The following ZNF787 variants were observed in gnomAD, a reference collection of about 807,000 sequenced individuals.
The protein encoded by ZNF787 is zinc finger protein 787, also known as TTF-I-interacting peptide 20.
A neutral mutation model predicts 16.9 loss-of-function variants in ZNF787; 7 were observed. The ratio of observed to expected loss-of-function variants is 0.42; its 90% CI spans 0.24 to 0.78. The LOEUF (loss-of-function observed/expected upper bound fraction) is 0.78, where lower values mean the gene tolerates loss of function less well. ZNF787 is among the 30% of genes least tolerant of loss of function. ZNF787 has a pLI of 0.30. For missense variants in ZNF787, 551 were observed against 589.3 expected (o/e 0.94, Z 0.67); for synonymous variants, 345 against 270.9 (o/e 1.27, Z -2.69).
Position 56,087,994 on chromosome 19 carries a change from C to CG in ZNF787, c.*28_*29insC. Reference sequence around the variant, plus strand: ...TCGCTCCCGCCAAGCCCGAGGGGCCCTGCCCGCCCCCCCCCCCGGGCCCCT... The same window carrying CG: ...TCGCTCCCGCCAAGCCCGAGGGGCCCGTGCCCGCCCCCCCCCCCGGGCCCCT... On this transcript the variant is annotated 3_prime_UTR_variant, in exon 3 of 3. Coordinates refer to ENST00000610935, the MANE Select transcript of ZNF787 (RefSeq NM_001002836.4). 28 of 1,248,806 alleles carry CG rather than the reference C, an allele frequency of 2.2e-5. No individual in the cohort carries two copies. The highest frequency in any genetic ancestry group is 7.4e-5 in the African/African-American group (4 of 54,188). The allele number at this position is 1,248,806 out of a possible 1,614,324, so 77.4% of individuals were successfully genotyped here.
intron 1 of ZNF787, among the ~76,000 whole-genome samples, chr19:56,115,712 C>T (rs1179976703): frequency 1.3e-5 from 2 of 152,096 alleles, no homozygotes; most frequent in Non-Finnish European, 2.9e-5. Flanking sequence ...ATCAGCACAG[C>T]GACGGCAGAG....
chr19:56,106,904 C>T lies in ZNF787; in HGVS notation c.-10-3677G>A, dbSNP rs146184619. Among the ~76,000 whole-genome samples, 332 of 152,310 alleles carry T rather than the reference C, an allele frequency of 2.2e-3. 1 individual carries two copies. Among genetic ancestry groups the T allele is most frequent in the Non-Finnish European group, 4.2e-3 (289 of 68,036 alleles). On this transcript the variant is annotated intron_variant, in intron 1 of 2. Coordinates refer to ENST00000610935, the MANE Select transcript of ZNF787 (RefSeq NM_001002836.4). ...CACAACCCCTCTGAACCGATTTTCC[C>T]GAGTCCCTCCAGTGACAAGAAGCTC...
Position 56,088,914 on chromosome 19 carries a change from G to T in ZNF787, c.258C>A (p.Arg86=), listed in dbSNP as rs1207864055. ...SHWSKLTRHQ[R]THTGERPNAC... is the part of the protein sequence containing the mutation. ...CGTTGGGCCGCTCGCCGGTGTGCGT[G>T]CGCTGGTGCCGCGTCAGCTTGGACC... Residue 86 remains arginine, a synonymous_variant, in exon 3 of 3, where the codon CGC becomes CGA. Coordinates refer to ENST00000610935, the MANE Select transcript of ZNF787 (RefSeq NM_001002836.4). The surrounding 1 kb of genome is among the most constrained non-coding windows in gnomAD (Gnocchi z 8.6). The T allele has an allele frequency of 1.3e-6, 2 of 1,596,732 alleles. No homozygotes were observed. The highest frequency in any genetic ancestry group is 3.4e-5 in the Admixed American group (2 of 58,490).
At chr19:56,095,015 G>C (rs1985817453) in intron 2 of ZNF787, among the ~76,000 whole-genome samples, 1 of 152,210 alleles carries the variant, frequency 6.6e-6, no homozygotes, top group Non-Finnish European at 1.5e-5. Flanking sequence ...TCGGGAGGTT[G>C]AGGCAGGAGA....
intron 2 of ZNF787, among the ~76,000 whole-genome samples, chr19:56,095,515 C>T (rs966170153): frequency 6.6e-6 from 1 of 152,206 alleles, no homozygotes; most frequent in African/African-American, 2.4e-5. Flanking sequence ...GTTCTAACTT[C>T]TCAGAGGTTC....
chr19:56,120,777 G>C (rs531682864), intron 1 of ZNF787, among the ~76,000 whole-genome samples: 46 of 151,066 alleles, frequency 3.0e-4, no homozygotes, highest in African/African-American at 9.7e-4. Flanking sequence ...GACCGGCGGA[G>C]TTGGAACTTC....
chr19:56,118,640 T>A (rs1370629286), intron 1 of ZNF787, among the ~76,000 whole-genome samples: 1 of 152,060 alleles, frequency 6.6e-6, no homozygotes, highest in Non-Finnish European at 1.5e-5. Context: ...TGGGCCAGGT[T>A]CCTGCAAAGT....
rs491122 is a variant in ZNF787, at chr19:56,088,987, G to A, written c.185C>T (p.Pro62Leu). ...CTCGTTGCAGATGTAGGGGGCGGGC[G>A]GCCGCGGCCGGGGAGGCGGGCCGGC... is the stretch of plus-strand genomic sequence containing the variant. ...PPAGPPPRPRPPAPYICNECG... is the reference protein window; with the variant it reads ...PPAGPPPRPRLPAPYICNECG... Residue 62 changes from proline to leucine, a missense_variant, in exon 3 of 3, where the codon CCG (proline) becomes CTG (leucine). By Grantham distance (98) the Pro-to-Leu change is moderately conservative. Coordinates refer to ENST00000610935, the MANE Select transcript of ZNF787 (RefSeq NM_001002836.4). This position sits in a 1 kb window ranked among gnomAD's most constrained non-coding sequence, Gnocchi z 8.6. 12 of 1,499,936 alleles carry A rather than the reference G, an allele frequency of 8.0e-6. No individual in the cohort carries two copies. The highest frequency in any genetic ancestry group is 9.8e-6 in the Non-Finnish European group (11 of 1,126,474). 92.9% of individuals were successfully genotyped at this position (1,499,936 alleles called of 1,614,324 possible).
chr19:56,103,439 G>T, intron 1 of ZNF787: 1 of 444,168 alleles, frequency 2.3e-6, no homozygotes, highest in Non-Finnish European at 3.9e-6. Flanking sequence ...TCACACAGCC[G>T]CAGGAAGGAC....
intron 2 of ZNF787, chr19:56,101,603 AT>A (rs1305326730): frequency 1.3e-5 from 2 of 152,192 alleles, no homozygotes; most frequent in African/African-American, 2.4e-5. Flanking sequence ...GAAAAATGAC[AT>A]TTTGTTAGAT....
At chr19:56,115,991 G>A (rs1482382704) in intron 1 of ZNF787, among the ~76,000 whole-genome samples, 1 of 152,176 alleles carries the variant, frequency 6.6e-6, no homozygotes, top group Non-Finnish European at 1.5e-5. Context: ...GTGATCATCA[G>A]GTGTCCGTGT....
chr19:56,092,951 G>C (rs1293144848), intron 2 of ZNF787, among the ~76,000 whole-genome samples: 1 of 149,958 alleles, frequency 6.7e-6, no homozygotes, highest in Non-Finnish European at 1.5e-5. Flanking sequence ...AGGGCATGAC[G>C]CAACTGGGAT....
In ZNF787 at chr19:56,087,850, TACGCCCCA is replaced by T. The variant is rs1478460953; in HGVS notation, c.*165_*172del. ...AGGCGGAGAAGTGAACGGGCCCTAATACGCCCCAGTGCCCCCCCACGGACGGCGCAGGG... is the reference window on the plus strand; with the variant it reads ...AGGCGGAGAAGTGAACGGGCCCTAATGTGCCCCCCCACGGACGGCGCAGGG... On this transcript the variant is annotated 3_prime_UTR_variant, in exon 3 of 3. Coordinates refer to ENST00000610935, the MANE Select transcript of ZNF787 (RefSeq NM_001002836.4). 1 of 1,081,178 alleles carries T rather than the reference TACGCCCCA, an allele frequency of 9.2e-7. No homozygotes were observed. The highest frequency in any genetic ancestry group is 1.2e-6 in the Non-Finnish European group (1 of 846,692). The allele number at this position is 1,081,178 out of a possible 1,614,324, so 67.0% of individuals were successfully genotyped here.
intron 1 of ZNF787, among the ~76,000 whole-genome samples, chr19:56,119,086 C>T (rs1055036775): frequency 1.3e-5 from 2 of 152,212 alleles, no homozygotes; most frequent in African/African-American, 4.8e-5. Context: ...TGCTCTGGGA[C>T]AGGGACTGTA....
At chr19:56,119,060 G>A (rs559418030) in intron 1 of ZNF787, among the ~76,000 whole-genome samples, 2 of 152,334 alleles carry the variant, frequency 1.3e-5, no homozygotes, top group African/African-American at 4.8e-5. Flanking sequence ...TCTGCCCAGT[G>A]TGAATGGGTC....
At chr19:56,116,013 T>C (rs1009774752) in intron 1 of ZNF787, among the ~76,000 whole-genome samples, 3 of 152,090 alleles carry the variant, frequency 2.0e-5, no homozygotes, top group Non-Finnish European at 4.4e-5. Context: ...GGTTCATACA[T>C]TGTCACAAAA....
At chr19:56,105,404 A>T (rs1303069109) in intron 1 of ZNF787, 2 of 152,172 alleles carry the variant, frequency 1.3e-5, no homozygotes, top group African/African-American at 4.8e-5. Flanking sequence ...AGGGCAATTT[A>T]AAAAAACGTC....
rs1319792971 is a variant in ZNF787, at chr19:56,087,840, C to T, written c.*183G>A. On this transcript the variant is annotated 3_prime_UTR_variant, in exon 3 of 3. Transcript: ENST00000610935. ...CAGAGTCTCGAGGCGGAGAAGTGAACGGGCCCTAATACGCCCCAGTGCCCC... is the reference window on the plus strand; with the variant it reads ...CAGAGTCTCGAGGCGGAGAAGTGAATGGGCCCTAATACGCCCCAGTGCCCC... 12 of 971,138 alleles carry T rather than the reference C, an allele frequency of 1.2e-5. No individual in the cohort carries two copies. In the East Asian group the frequency reaches 2.3e-4, roughly 18 times the overall value. 60.2% of individuals were successfully genotyped at this position (971,138 alleles called of 1,614,324 possible).
intron 1 of ZNF787, among the ~76,000 whole-genome samples, chr19:56,108,045 G>A (rs1002001226): frequency 6.6e-6 from 1 of 152,054 alleles, no homozygotes; most frequent in Non-Finnish European, 1.5e-5. Context: ...CCGGCAGGGC[G>A]AGACCCTCGG....
Sources: allele counts gnomAD v4.1 joint callset (sites outside exome capture counted in the v4.1 genomes callset), GRCh38; gene constraint gnomAD v4.1.1; non-coding constraint Gnocchi (gnomAD v3.1); transcripts MANE v1.5; gene names NCBI Gene and HGNC (gene_info 2026-07-23, HGNC 2026-07-21).